ARV1: variants seen among roughly 807,000 people sequenced by gnomAD.
ARV1 encodes the protein ARV1 fatty acid homeostasis modulator, also known as protein ARV1.
Under a neutral mutation model 31.1 loss-of-function variants are expected in ARV1, and 26 were observed. The observed-to-expected ratio is 0.84, with a 90% CI of 0.61 to 1.16. The LOEUF (loss-of-function observed/expected upper bound fraction) is 1.16, where lower values mean the gene tolerates loss of function less well. Among genes scored for constraint, ARV1 ranks in the 50% most tolerant of loss-of-function variants. The probability of loss-of-function intolerance (pLI) is 0.00; values close to 1 mark genes in which losing one functional copy is unlikely to be tolerated. For missense variants in ARV1, 281 were observed against 324.9 expected (o/e 0.86, Z 1.04); for synonymous variants, 117 against 123.2 (o/e 0.95, Z 0.34).
At chr1:230,984,359 T>TGTGC (rs1553303943) in intron 1 of ARV1, among the ~76,000 whole-genome samples, 2 of 93,450 alleles carry the variant, frequency 2.1e-5, no homozygotes, top group Non-Finnish European at 4.4e-5. Flanking sequence ...TGTGTGTGTG[T>TGTGC]GTGCGTGTGT....
chr1:230,987,330 C>T (rs931207165), intron 1 of ARV1, among the ~76,000 whole-genome samples: 1 of 152,162 alleles, frequency 6.6e-6, no homozygotes, highest in Admixed American at 6.5e-5. Context: ...CTGTTGACCT[C>T]GGGTTACAAA....
At chr1:230,994,207 C>T (rs1229606324) in intron 3 of ARV1, among the ~76,000 whole-genome samples, 1 of 152,146 alleles carries the variant, frequency 6.6e-6, no homozygotes, top group Non-Finnish European at 1.5e-5. Flanking sequence ...CCATAAATCT[C>T]GTAAATCCTA....
intron 5 of ARV1, chr1:230,999,807 A>G (rs2103059909): frequency 6.6e-6 from 1 of 152,300 alleles, no homozygotes; most frequent in South Asian, 2.1e-4. Flanking sequence ...CCAGGGTCAG[A>G]TCTTTTGTTT....
At chr1:230,997,579 C>T (rs1480766658) in intron 5 of ARV1, among the ~76,000 whole-genome samples, 1 of 152,122 alleles carries the variant, frequency 6.6e-6, no homozygotes, top group Non-Finnish European at 1.5e-5. Context: ...CTGTCTCCTA[C>T]CCTTCCCAAC....
intron 1 of ARV1, among the ~76,000 whole-genome samples, chr1:230,984,363 C>CGCGTGTGTGTGTGT (rs1191353620): frequency 7.7e-6 from 1 of 129,762 alleles, no homozygotes; most frequent in African/African-American, 2.9e-5. Flanking sequence ...TGTGTGTGTG[C>CGCGTGTGTGTGTGT]GTGTGTGTGT....
intron 4 of ARV1, among the ~76,000 whole-genome samples, chr1:230,996,775 T>A (rs1451640478): frequency 6.6e-6 from 1 of 152,216 alleles, no homozygotes; most frequent in Admixed American, 6.6e-5. Context: ...ATACTTTTTA[T>A]CAGAATGCTT....
intron 1 of ARV1, 59 bp downstream of exon 1, chr1:230,979,338 C>A (rs1314646703): frequency 6.3e-7 from 1 of 1,587,406 alleles, no homozygotes; most frequent in Non-Finnish European, 8.6e-7. Flanking sequence ...GATTTGGGGA[C>A]CGCGAGGAGC....
chr1:230,989,982 G>GC (rs1178398268), intron 2 of ARV1, 128 bp from the exon 3 acceptor site: 1 of 896,350 alleles, frequency 1.1e-6, no homozygotes, highest in Non-Finnish European at 1.7e-6. Flanking sequence ...ACTACAATTA[G>GC]CCACTTAATT....
At chr1:230,984,465 G>A (rs1455731910) in intron 1 of ARV1, among the ~76,000 whole-genome samples, 3 of 150,890 alleles carry the variant, frequency 2.0e-5, no homozygotes, top group African/African-American at 7.3e-5. Context: ...GCACTTAAGG[G>A]AAAAGCAAAT....
chr1:230,993,772 G>A (rs1679291653), intron 3 of ARV1, among the ~76,000 whole-genome samples: 1 of 152,128 alleles, frequency 6.6e-6, no homozygotes, highest in South Asian at 2.1e-4. Context: ...GCATGTGCCT[G>A]TAGTCCTAGC....
At chr1:230,998,070 C>G (rs546465312) in intron 5 of ARV1, among the ~76,000 whole-genome samples, 127 of 152,334 alleles carry the variant, frequency 8.3e-4, no homozygotes, top group African/African-American at 3.0e-3. Context: ...CTCATTCTTT[C>G]CTCCTTCTCT....
At chr1:230,979,590 C>T in intron 1 of ARV1, 1 of 342,206 alleles carries the variant, frequency 2.9e-6, no homozygotes. Context: ...GCCAAAGCTA[C>T]TTCCTTCTAG....
chr1:230,995,942 A>G lies in ARV1; in HGVS notation c.631A>G (p.Ile211Val), dbSNP rs1679351318. 6.2e-7 allele frequency: 1 copy of G among 1,613,904 alleles called. No homozygotes were observed. The highest frequency in any genetic ancestry group is 8.5e-7 in the Non-Finnish European group (1 of 1,179,988). ...HDYTSVCLKL[I>V]KVFVLTSNFQ... is the part of the protein sequence containing the mutation. ...CTACACATCTGTGTGCCTCAAACTC[A>G]TTAAAGTATTTGTTCTTACATCAAA... The change falls in exon 4 of 6, where the codon ATT becomes GTT. Residue 211 changes from isoleucine to valine, a missense_variant. Coordinates refer to ENST00000310256, the MANE Select transcript of ARV1 (RefSeq NM_022786.3).
At chr1:230,989,208 G>A (rs1010416173) in intron 2 of ARV1, among the ~76,000 whole-genome samples, 70 of 152,020 alleles carry the variant, frequency 4.6e-4, no homozygotes, top group African/African-American at 1.6e-3. Flanking sequence ...GCGTGATCTC[G>A]GCTCACTGCA....
intron 3 of ARV1, among the ~76,000 whole-genome samples, chr1:230,994,613 C>T (rs1679312280): frequency 6.7e-6 from 1 of 150,212 alleles, no homozygotes; most frequent in Admixed American, 6.7e-5. Flanking sequence ...ACAATCTCGG[C>T]TCACTGCAAG....
chr1:230,997,374 G>A (rs1432179877), intron 5 of ARV1, 107 bp downstream of exon 5: 31 of 1,338,538 alleles, frequency 2.3e-5, no homozygotes, highest in East Asian at 4.7e-5. Context: ...ATTCTCTAGC[G>A]TCTAACTGCC....
chr1:230,986,388 A>G (rs1679068570), intron 1 of ARV1, among the ~76,000 whole-genome samples: 1 of 152,190 alleles, frequency 6.6e-6, no homozygotes, highest in Non-Finnish European at 1.5e-5. Flanking sequence ...CAGGGTCGGT[A>G]TTCTTCAGTG....
At chr1:230,995,455 ATCTTACT>A (rs1256271351) in intron 3 of ARV1, among the ~76,000 whole-genome samples, 1 of 152,174 alleles carries the variant, frequency 6.6e-6, no homozygotes, top group Non-Finnish European at 1.5e-5. Flanking sequence ...TTTAAGCAGA[ATCTTACT>A]TCCTTCAAGG....
At chr1:230,985,160 T>C (rs987410691) in intron 1 of ARV1, among the ~76,000 whole-genome samples, 3 of 150,652 alleles carry the variant, frequency 2.0e-5, no homozygotes, top group African/African-American at 7.3e-5. Flanking sequence ...TCAAACTGAC[T>C]GAGAGGGAAC....
Sources: allele counts gnomAD v4.1 joint callset (sites outside exome capture counted in the v4.1 genomes callset), GRCh38; gene constraint gnomAD v4.1.1; transcripts MANE v1.5; gene names NCBI Gene and HGNC (gene_info 2026-07-23, HGNC 2026-07-21).